The following SP140L variants were observed in gnomAD, a reference collection of about 807,000 sequenced individuals.
The protein encoded by SP140L is SP140 like nuclear body protein, also known as nuclear body protein SP140-like protein.
Under a neutral mutation model 84.3 loss-of-function variants are expected in SP140L, and 64 were observed. That is an observed-to-expected ratio of 0.76 (90% CI 0.62 to 0.94). The LOEUF is 0.94. SP140L is among the 40% of genes least tolerant of loss of function. The pLI, the probability that SP140L is intolerant of heterozygous loss-of-function variation, is 0.00. For synonymous variants in SP140L, 242 were observed against 236.9 expected (o/e 1.02, Z -0.20); for missense variants, 628 against 692.5 (o/e 0.91, Z 1.05).
intron 2 of SP140L, among the ~76,000 whole-genome samples, chr2:230,341,565 G>A (rs917751506): frequency 8.6e-5 from 13 of 151,522 alleles, no homozygotes; most frequent in African/African-American, 2.7e-4. Context: ...GAGGAGAGGT[G>A]CTCTGCTTTT....
Position 230,333,132 on chromosome 2 carries a change from G to C in SP140L, c.107+4301G>C, listed in dbSNP as rs144464648. Among the ~76,000 whole-genome samples, 520 of 151,818 alleles carry C rather than the reference G, an allele frequency of 3.4e-3. 3 individuals are homozygous for C. The highest frequency in any genetic ancestry group is 0.012 in the African/African-American group (503 of 41,400). On this transcript the variant is annotated intron_variant, in intron 2 of 18. Coordinates refer to ENST00000415673, the MANE Select transcript of SP140L (RefSeq NM_138402.6). ...TTGGTTAACTGCCTTGCAGTTTTCA[G>C]CATTGCTAATAAGAAGTCGAATGCC...
intron 6 of SP140L, 96 bp from the exon 7 acceptor site, chr2:230,371,502 T>C: frequency 8.8e-7 from 1 of 1,130,262 alleles, no homozygotes; most frequent in Non-Finnish European, 1.3e-6. Context: ...CCAAACATCT[T>C]TATAAACTCA....
intron 2 of SP140L, 66 bp downstream of exon 2, chr2:230,328,897 T>A: frequency 6.5e-7 from 1 of 1,539,418 alleles, no homozygotes; most frequent in Admixed American, 2.1e-5. Flanking sequence ...TGAACAGCTT[T>A]TCATGTTTCT....
intron 7 of SP140L, among the ~76,000 whole-genome samples, chr2:230,378,046 C>T (rs546262670): frequency 5.7e-4 from 87 of 152,204 alleles, no homozygotes; most frequent in African/African-American, 2.0e-3. Context: ...CTCAATCATT[C>T]CATCATAATT....
chr2:230,330,728 C>T (rs13397974), intron 2 of SP140L, among the ~76,000 whole-genome samples: 2,607 of 152,170 alleles, frequency 0.017, 78 homozygotes, highest in African/African-American at 0.058. Flanking sequence ...TATAGTAGTC[C>T]TTCTTTATCC....
At chr2:230,327,556 C>T (rs1016586041) in intron 1 of SP140L, among the ~76,000 whole-genome samples, 1 of 152,200 alleles carries the variant, frequency 6.6e-6, no homozygotes, top group Non-Finnish European at 1.5e-5. Context: ...TACTGCTCAG[C>T]TGGCGGGGAC....
intron 2 of SP140L, among the ~76,000 whole-genome samples, chr2:230,350,285 G>A (rs1312734071): frequency 6.6e-6 from 1 of 152,152 alleles, no homozygotes; most frequent in Non-Finnish European, 1.5e-5. Flanking sequence ...TGAACATGAT[G>A]TTTTCATGGA....
chr2:230,342,896 C>A (rs998614962), intron 2 of SP140L, among the ~76,000 whole-genome samples: 2 of 152,118 alleles, frequency 1.3e-5, no homozygotes, highest in Admixed American at 1.3e-4. Context: ...TATTTCTGCT[C>A]TAATCTACAT....
intron 2 of SP140L, among the ~76,000 whole-genome samples, chr2:230,335,960 G>T (rs989930025): frequency 6.6e-6 from 1 of 152,186 alleles, no homozygotes; most frequent in Non-Finnish European, 1.5e-5. Flanking sequence ...CTCAAGAGAG[G>T]ATTGTGAGTG....
intron 2 of SP140L, among the ~76,000 whole-genome samples, chr2:230,337,430 C>T (rs1018104199): frequency 6.6e-6 from 1 of 151,980 alleles, no homozygotes; most frequent in African/African-American, 2.4e-5. Flanking sequence ...AAAATTTTCT[C>T]CCATTTTGTA....
In SP140L at chr2:230,378,622, G is replaced by A. The variant is rs2061320482; in HGVS notation, c.638-4888G>A. Among the ~76,000 whole-genome samples the A allele has an allele frequency of 2.0e-5, 3 of 152,130 alleles. No homozygotes were observed. The South Asian group carries it at 6.2e-4, about 32-fold the overall frequency. The stretch of plus-strand genomic sequence containing the variant: ...TTGGAGGTATTCTTTTAGTTGATCA[G>A]GAGTGGAAAGTAGATATGTGGAAAA... On this transcript the variant is annotated intron_variant, in intron 7 of 18. Transcript: ENST00000415673.
chr2:230,399,401 A>C lies in SP140L; in HGVS notation c.1198-726A>C, dbSNP rs1448736895. Among the ~76,000 whole-genome samples the C allele has an allele frequency of 3.3e-5, 5 of 152,232 alleles. No homozygotes were observed. The East Asian group carries it at 9.6e-4, about 29-fold the overall frequency. ...AGCTCTTTTATGGGCCCAGGAAATGAGGAGAGGGTCTCCATCTTCAACACT... is the reference window on the plus strand; with the variant it reads ...AGCTCTTTTATGGGCCCAGGAAATGCGGAGAGGGTCTCCATCTTCAACACT... On this transcript the variant is annotated intron_variant, in intron 14 of 18. Coordinates refer to ENST00000415673, the MANE Select transcript of SP140L (RefSeq NM_138402.6).
intron 4 of SP140L, among the ~76,000 whole-genome samples, chr2:230,360,075 CT>C (rs1427501800): frequency 1.8e-4 from 28 of 152,188 alleles, no homozygotes; most frequent in African/African-American, 6.5e-4. Flanking sequence ...TTTTGTTTTA[CT>C]TGCCTGGAAA....
At chr2:230,337,633 A>G (rs1453106715) in intron 2 of SP140L, among the ~76,000 whole-genome samples, 1 of 152,214 alleles carries the variant, frequency 6.6e-6, no homozygotes, top group Admixed American at 6.5e-5. Flanking sequence ...TTTAGGTCTA[A>G]CATGTAAGTC....
At chr2:230,387,382 TTGGTTC>T (rs1286428661) in intron 9 of SP140L, among the ~76,000 whole-genome samples, 1 of 152,306 alleles carries the variant, frequency 6.6e-6, no homozygotes, top group East Asian at 1.9e-4. Flanking sequence ...ATTATCAATA[TTGGTTC>T]CTTGGGCCAT....
intron 2 of SP140L, among the ~76,000 whole-genome samples, chr2:230,336,529 AGAGT>A: frequency 1.3e-5 from 2 of 152,350 alleles, no homozygotes; most frequent in South Asian, 4.1e-4. Flanking sequence ...AGCACTTAGA[AGAGT>A]GAGTACCTCA....
At chr2:230,332,621 G>T (rs1240211154) in intron 2 of SP140L, among the ~76,000 whole-genome samples, 1 of 152,212 alleles carries the variant, frequency 6.6e-6, no homozygotes, top group Non-Finnish European at 1.5e-5. Flanking sequence ...ACTATGTGAT[G>T]ATCACATTTC....
chr2:230,367,435 G>A (rs1437299040), intron 5 of SP140L, among the ~76,000 whole-genome samples: 1 of 151,342 alleles, frequency 6.6e-6, no homozygotes, highest in Admixed American at 6.6e-5. Flanking sequence ...TGAGACCACA[G>A]GTGCGTGCCA....
intron 11 of SP140L, among the ~76,000 whole-genome samples, chr2:230,391,131 A>G (rs1273622944): frequency 1.3e-5 from 2 of 152,168 alleles, no homozygotes; most frequent in African/African-American, 2.4e-5. Flanking sequence ...CCATTCATCA[A>G]CTTGGGTTAT....
Sources: allele counts gnomAD v4.1 joint callset (sites outside exome capture counted in the v4.1 genomes callset), GRCh38; gene constraint gnomAD v4.1.1; transcripts MANE v1.5; gene names NCBI Gene and HGNC (gene_info 2026-07-23, HGNC 2026-07-21).